The following TEX11 variants were observed in gnomAD, a reference collection of about 807,000 sequenced individuals.
The protein encoded by TEX11 is testis expressed 11.
TEX11 carries 7 observed loss-of-function variants against 84.4 expected under a neutral mutation model. The ratio of observed to expected loss-of-function variants is 0.08; its 90% CI spans 0.05 to 0.16. TEX11 has a LOEUF of 0.16. TEX11 is among the 10% of genes least tolerant of loss of function. TEX11 has a pLI of 1.00. For synonymous variants in TEX11, 264 were observed against 222.8 expected (o/e 1.18, Z -1.64); for missense variants, 551 against 660.5 (o/e 0.83, Z 1.82).
At chrX:70,600,129 C>T (rs2089077313) in intron 24 of TEX11, among the ~76,000 whole-genome samples, 1 of 111,430 alleles carries the variant, frequency 9.0e-6, no homozygotes, top group African/African-American at 3.3e-5. Context: ...AGTTTACAGT[C>T]CAACCAACAG....
chrX:70,792,333 TATATATATATATATATATATATATACAC>T (rs1328026610), intron 9 of TEX11, among the ~76,000 whole-genome samples: 121 of 6,656 alleles, frequency 0.018, 12 homozygotes, highest in East Asian at 0.13. Flanking sequence ...TATATATATA[TATATATATATATATATATATATATACAC>T]ACACAAATAT....
chrX:70,731,387 C>T (rs1476520338), intron 11 of TEX11, among the ~76,000 whole-genome samples: 1 of 110,219 alleles, frequency 9.1e-6, no homozygotes, highest in African/African-American at 3.3e-5. Context: ...AAAAGATCAA[C>T]AAAATTGATA....
intron 11 of TEX11, among the ~76,000 whole-genome samples, chrX:70,733,707 G>T (rs181591545): frequency 3.1e-4 from 35 of 111,724 alleles, no homozygotes; most frequent in African/African-American, 1.1e-3. Flanking sequence ...CTACTGGTCG[G>T]ACTGTAAACT....
chrX:70,557,995 A>G (rs1002000603), intron 25 of TEX11, among the ~76,000 whole-genome samples: 1 of 110,730 alleles, frequency 9.0e-6, no homozygotes, highest in African/African-American at 3.3e-5. Context: ...CTAAAAATAC[A>G]AAAATTAGCC....
intron 14 of TEX11, among the ~76,000 whole-genome samples, chrX:70,680,502 C>T (rs1333757272): frequency 1.1e-5 from 1 of 88,549 alleles, no homozygotes; most frequent in African/African-American, 4.2e-5. Flanking sequence ...ACTTGTTTAT[C>T]TGCTGACCTT....
chrX:70,608,454 A>G (rs2089219713), intron 22 of TEX11, among the ~76,000 whole-genome samples: 1 of 112,322 alleles, frequency 8.9e-6, no homozygotes, highest in African/African-American at 3.2e-5. Context: ...TAAATTAAGT[A>G]TTCTAGGCCA....
chrX:70,843,097 A>G (rs1371522967), intron 7 of TEX11, among the ~76,000 whole-genome samples: 1 of 111,736 alleles, frequency 8.9e-6, no homozygotes, highest in Middle Eastern at 4.2e-3. Flanking sequence ...TCAAGCTACC[A>G]ACAACTTTCT....
intron 5 of TEX11, among the ~76,000 whole-genome samples, chrX:70,859,739 G>A (rs925566873): frequency 5.4e-5 from 6 of 111,349 alleles, no homozygotes; most frequent in African/African-American, 2.0e-4. Context: ...TTTTAGGCCA[G>A]GCGCAGTGGC....
intron 15 of TEX11, among the ~76,000 whole-genome samples, chrX:70,677,416 G>A (rs1048792214): frequency 1.4e-4 from 16 of 111,458 alleles, no homozygotes; most frequent in African/African-American, 3.6e-4. Flanking sequence ...CACTGTTCCC[G>A]CTAATATTTT....
At chrX:70,760,669 T>C (rs1469534138) in intron 9 of TEX11, among the ~76,000 whole-genome samples, 2 of 111,682 alleles carry the variant, frequency 1.8e-5, no homozygotes, top group African/African-American at 3.3e-5. Context: ...GAAGAAAACC[T>C]AGGCAATACC....
At chrX:70,587,439 C>T (rs2088868248) in intron 25 of TEX11, among the ~76,000 whole-genome samples, 1 of 112,678 alleles carries the variant, frequency 8.9e-6, no homozygotes, top group African/African-American at 3.2e-5. Context: ...AAGGGGCCAA[C>T]ATACAGCTCA....
At chrX:70,783,871 G>C (rs2091059163) in intron 9 of TEX11, among the ~76,000 whole-genome samples, 1 of 111,489 alleles carries the variant, frequency 9.0e-6, no homozygotes, top group Admixed American at 9.5e-5. Flanking sequence ...GGACCAGATG[G>C]ACTCACAGCC....
intron 28 of TEX11, among the ~76,000 whole-genome samples, chrX:70,544,289 A>G (rs757096810): frequency 8.9e-6 from 1 of 112,004 alleles, no homozygotes; most frequent in African/African-American, 3.2e-5. Context: ...CAAGGTGGGC[A>G]GATTACTTGA....
intron 9 of TEX11, among the ~76,000 whole-genome samples, chrX:70,745,417 T>C: frequency 9.1e-6 from 1 of 109,416 alleles, no homozygotes; most frequent in Non-Finnish European, 1.9e-5. Context: ...TTGAAGACAA[T>C]ACTTTGAAAT....
Position 70,700,318 on chromosome X carries a change from C to A in TEX11, c.1005-17493G>T, listed in dbSNP as rs753915116. On this transcript the variant is annotated intron_variant, in intron 13 of 29. Transcript: ENST00000374333. ...TTTACAAATTGAAGATGTGTGGCAA[C>A]CCTGAATCAAGCAAGTCAAGTCTAC... Among the ~76,000 whole-genome samples, 3 of 111,438 alleles carry A rather than the reference C, an allele frequency of 2.7e-5. No homozygotes were observed. The East Asian group carries it at 8.4e-4, about 31-fold the overall frequency.
chrX:70,705,054 T>C (rs2090359315), intron 13 of TEX11, among the ~76,000 whole-genome samples: 1 of 111,918 alleles, frequency 8.9e-6, no homozygotes, highest in Admixed American at 9.6e-5. Context: ...AAATAGGGAA[T>C]CCTTTCTCCA....
chrX:70,624,136 A>G, intron 19 of TEX11, 130 bp from the exon 20 acceptor site: 1 of 326,188 alleles, frequency 3.1e-6, no homozygotes. Flanking sequence ...TAAAGGGGAG[A>G]TTAATCTTAT....
intron 17 of TEX11, among the ~76,000 whole-genome samples, chrX:70,640,527 A>G (rs889207740): frequency 8.1e-5 from 9 of 111,222 alleles, no homozygotes; most frequent in South Asian, 3.9e-4. Flanking sequence ...GAGAAACGTC[A>G]GGTTACCCTC....
chrX:70,640,606 A>G (rs1386672177), intron 17 of TEX11, among the ~76,000 whole-genome samples: 5 of 109,603 alleles, frequency 4.6e-5, no homozygotes, highest in Admixed American at 2.9e-4. Flanking sequence ...GAGAGTGGGG[A>G]CCAATATTCA....
Sources: allele counts gnomAD v4.1 joint callset (sites outside exome capture counted in the v4.1 genomes callset), GRCh38; gene constraint gnomAD v4.1.1; transcripts MANE v1.5; gene names NCBI Gene and HGNC (gene_info 2026-07-23, HGNC 2026-07-21).